ROBO2: variants seen among roughly 807,000 people sequenced by gnomAD.
The protein encoded by ROBO2 is roundabout homolog 2.
Under a neutral mutation model 160.8 loss-of-function variants are expected in ROBO2, and 53 were observed. The observed-to-expected ratio is 0.33, with a 90% confidence interval of 0.26 to 0.41. The LOEUF (loss-of-function observed/expected upper bound fraction) is 0.41. Among genes scored for constraint, ROBO2 ranks in the 10% least tolerant of loss-of-function variants. The pLI is 1.00. For missense variants in ROBO2, 1,577 were observed against 1,722.4 expected, an observed-to-expected ratio of 0.92 and a Z score of 1.49; for synonymous variants, 664 against 611.7, an observed-to-expected ratio of 1.09 and a Z score of -1.26.
At chr3:77,599,456 A>T (rs1015791437) in intron 19 of ROBO2, among the ~76,000 whole-genome samples, 4 of 133,502 alleles carry the variant, frequency 3.0e-5, no homozygotes, top group Non-Finnish European at 6.2e-5. Context: ...ATGAGAACAC[A>T]TGGACACAGG....
chr3:76,830,609 C>A (rs1017874487), intron 2 of ROBO2, among the ~76,000 whole-genome samples: 5 of 152,058 alleles, frequency 3.3e-5, no homozygotes, highest in African/African-American at 1.2e-4. Context: ...AATTTTCTCT[C>A]CTCTATGACT....
At chr3:77,494,263 C>A (rs1296247716) in intron 5 of ROBO2, among the ~76,000 whole-genome samples, 3 of 151,866 alleles carry the variant, frequency 2.0e-5, no homozygotes, top group African/African-American at 7.2e-5. Flanking sequence ...CTGTGTTTTT[C>A]TAATTTTTCT....
chr3:76,962,521 C>G (rs2079744179), intron 2 of ROBO2, among the ~76,000 whole-genome samples: 1 of 151,788 alleles, frequency 6.6e-6, no homozygotes, highest in African/African-American at 2.4e-5. Flanking sequence ...GACTGTAATC[C>G]CAGCTACTCG....
chr3:77,278,541 T>G (rs2060039659), intron 2 of ROBO2, among the ~76,000 whole-genome samples: 1 of 152,214 alleles, frequency 6.6e-6, no homozygotes, highest in South Asian at 2.1e-4. Context: ...TATTAAATGC[T>G]TATTAGAATC....
At chr3:77,121,602 A>T (rs889462358) in intron 2 of ROBO2, among the ~76,000 whole-genome samples, 1 of 152,130 alleles carries the variant, frequency 6.6e-6, no homozygotes, top group Non-Finnish European at 1.5e-5. Context: ...ATTAAATAAT[A>T]AATTAATTAA....
At chr3:77,444,057 A>G (rs538467141) in intron 2 of ROBO2, among the ~76,000 whole-genome samples, 1 of 152,190 alleles carries the variant, frequency 6.6e-6, no homozygotes, top group Non-Finnish European at 1.5e-5. Flanking sequence ...GTTTCTTATT[A>G]TCTTTGTCCA....
intron 2 of ROBO2, among the ~76,000 whole-genome samples, chr3:76,011,449 G>A (rs949019241): frequency 1.3e-5 from 2 of 152,118 alleles, no homozygotes; most frequent in Non-Finnish European, 2.9e-5. Context: ...AAATTGAAGT[G>A]GTTGGTTTAG....
At chr3:76,971,734 C>T (rs1285172383) in intron 2 of ROBO2, among the ~76,000 whole-genome samples, 1 of 152,142 alleles carries the variant, frequency 6.6e-6, no homozygotes, top group Admixed American at 6.5e-5. Context: ...CAAAAGAATG[C>T]TATTAATAGC....
At chr3:75,989,637 C>T (rs1202908142) in intron 2 of ROBO2, among the ~76,000 whole-genome samples, 3 of 152,038 alleles carry the variant, frequency 2.0e-5, no homozygotes, top group Admixed American at 6.6e-5. Flanking sequence ...ATGAAGATTA[C>T]CAAAAAAAGA....
At chr3:77,509,284 C>G (rs955181699) in intron 5 of ROBO2, among the ~76,000 whole-genome samples, 3 of 151,982 alleles carry the variant, frequency 2.0e-5, no homozygotes, top group Non-Finnish European at 4.4e-5. Context: ...AAATTTCTGT[C>G]CTGACTTCAG....
In ROBO2 at chr3:76,608,277, A is replaced by C. The variant is rs561207472; in HGVS notation, c.110-489737A>C. Among the ~76,000 whole-genome samples, 14 of 152,274 alleles carry C rather than the reference A, an allele frequency of 9.2e-5. No homozygotes were observed. In the South Asian group the frequency reaches 2.9e-3, roughly 32 times the overall value. On this transcript the variant is annotated intron_variant, in intron 2 of 26. Transcript: ENST00000487694. ...TGATGCTTTGTCTTCTTGAAGTGCC[A>C]TCCCATTCTGTCAGCCTTACTATAC...
At chr3:76,822,036 A>G (rs757992493) in intron 2 of ROBO2, among the ~76,000 whole-genome samples, 37 of 151,932 alleles carry the variant, frequency 2.4e-4, no homozygotes, top group Non-Finnish European at 5.0e-4. Flanking sequence ...ATAAATAAAT[A>G]TTTGGTGGTA....
At chr3:76,820,586 C>G (rs950659540) in intron 2 of ROBO2, among the ~76,000 whole-genome samples, 1 of 151,644 alleles carries the variant, frequency 6.6e-6, no homozygotes, top group Non-Finnish European at 1.5e-5. Context: ...TAGCCATGGC[C>G]AAATAAATTA....
In ROBO2 at chr3:77,295,050, T is replaced by G. The variant is rs1560466977; in HGVS notation, c.389-182364T>G. Among the ~76,000 whole-genome samples the G allele has an allele frequency of 2.0e-5, 3 of 150,284 alleles. No individual in the cohort carries two copies. In the South Asian group the frequency reaches 6.3e-4, roughly 31 times the overall value. On this transcript the variant is annotated intron_variant, in intron 2 of 25. Transcript: ENST00000461745. The stretch of plus-strand genomic sequence containing the variant: ...AAAGACTTAAAGAAAAATTGATGCT[T>G]AAACGGGTAAACTGAGGCTAGAGCA...
chr3:76,412,221 ACCTCCCCCTGGGTC>A, intron 2 of ROBO2, among the ~76,000 whole-genome samples: 1 of 151,706 alleles, frequency 6.6e-6, no homozygotes, highest in Non-Finnish European at 1.5e-5. Flanking sequence ...TCATTCATTT[ACCTCCCCCTGGGTC>A]CCTCCCCCTG....
intron 2 of ROBO2, among the ~76,000 whole-genome samples, chr3:76,560,163 C>G (rs1241507221): frequency 1.3e-5 from 2 of 152,068 alleles, no homozygotes; most frequent in Non-Finnish European, 2.9e-5. Context: ...ATATTGTCCA[C>G]CCAACACACC....
intron 2 of ROBO2, among the ~76,000 whole-genome samples, chr3:77,214,384 A>C (rs1240246656): frequency 6.6e-6 from 1 of 152,164 alleles, no homozygotes; most frequent in Non-Finnish European, 1.5e-5. Context: ...CTGTTTAAGC[A>C]GAGACTAGGA....
chr3:75,916,379 T>C (rs1417668266), intron 1 of ROBO2, among the ~76,000 whole-genome samples: 2 of 152,158 alleles, frequency 1.3e-5, no homozygotes, highest in Admixed American at 6.5e-5. Flanking sequence ...GGATCACTAT[T>C]ATTTGCTGTA....
intron 2 of ROBO2, among the ~76,000 whole-genome samples, chr3:77,020,014 A>G (rs2062527324): frequency 6.6e-6 from 1 of 152,166 alleles, no homozygotes; most frequent in African/African-American, 2.4e-5. Context: ...GACACTGTAT[A>G]TGATATGCTT....
Sources: allele counts gnomAD v4.1 joint callset (sites outside exome capture counted in the v4.1 genomes callset), GRCh38; gene constraint gnomAD v4.1.1; transcripts MANE v1.5; gene names NCBI Gene and HGNC (gene_info 2026-07-23, HGNC 2026-07-21).